PHACTR1: variants seen among roughly 807,000 people sequenced by gnomAD.
PHACTR1 encodes phosphatase and actin regulator 1.
Under a neutral mutation model 69.2 loss-of-function variants are expected in PHACTR1, and 16 were observed. That is an observed-to-expected ratio of 0.23 (90% CI 0.16 to 0.35). PHACTR1 has a LOEUF of 0.35. PHACTR1 is among the 10% of genes least tolerant of loss of function. PHACTR1 has a pLI of 1.00. For synonymous variants in PHACTR1, 312 were observed against 284.5 expected, an observed-to-expected ratio of 1.10 and a Z score of -0.97; for missense variants, 510 against 734.7, an observed-to-expected ratio of 0.69 and a Z score of 3.54.
intron 5 of PHACTR1, among the ~76,000 whole-genome samples, chr6:13,108,650 T>G (rs1408641401): frequency 6.6e-6 from 1 of 152,130 alleles, no homozygotes; most frequent in Non-Finnish European, 1.5e-5. Flanking sequence ...TTATTTTATC[T>G]GACATTAATA....
At chr6:12,883,953 C>T (rs1343514257) in intron 4 of PHACTR1, among the ~76,000 whole-genome samples, 1 of 152,004 alleles carries the variant, frequency 6.6e-6, no homozygotes, top group African/African-American at 2.4e-5. Context: ...CATACATATA[C>T]ACACAGTCAC....
At chr6:12,723,146 A>G (rs965072064) in intron 3 of PHACTR1, among the ~76,000 whole-genome samples, 7 of 152,158 alleles carry the variant, frequency 4.6e-5, no homozygotes, top group African/African-American at 1.7e-4. Flanking sequence ...GTCTCTTCCT[A>G]AGCCAAGAGA....
intron 4 of PHACTR1, among the ~76,000 whole-genome samples, chr6:12,750,205 G>A (rs954914893): frequency 1.2e-4 from 18 of 152,188 alleles, no homozygotes; most frequent in Non-Finnish European, 2.9e-5. Flanking sequence ...TGGCTTTGAC[G>A]GGTTGACGCC....
chr6:13,211,989 C>T (rs746147504), intron 8 of PHACTR1, among the ~76,000 whole-genome samples: 4 of 152,146 alleles, frequency 2.6e-5, no homozygotes, highest in Non-Finnish European at 4.4e-5. Flanking sequence ...GCTAGAAGTC[C>T]GAGATCAAGG....
At chr6:13,154,001 A>G (rs1280515005) in intron 5 of PHACTR1, among the ~76,000 whole-genome samples, 1 of 152,198 alleles carries the variant, frequency 6.6e-6, no homozygotes, top group African/African-American at 2.4e-5. Flanking sequence ...TATAATTTAC[A>G]TACCATAAAA....
At chr6:13,159,195 G>A (rs1758626494) in intron 5 of PHACTR1, among the ~76,000 whole-genome samples, 1 of 152,196 alleles carries the variant, frequency 6.6e-6, no homozygotes, top group Non-Finnish European at 1.5e-5. Context: ...CTAGGTGCAT[G>A]GTGGGGCCAT....
At chr6:13,117,581 A>G (rs1818001178) in intron 5 of PHACTR1, among the ~76,000 whole-genome samples, 1 of 152,228 alleles carries the variant, frequency 6.6e-6, no homozygotes, top group Admixed American at 6.5e-5. Flanking sequence ...CAGTTAGTAC[A>G]CACTGTAAGT....
At chr6:12,823,847 G>A (rs980538739) in intron 4 of PHACTR1, among the ~76,000 whole-genome samples, 1 of 152,112 alleles carries the variant, frequency 6.6e-6, no homozygotes, top group Admixed American at 6.5e-5. Flanking sequence ...AAGTTCATTA[G>A]CTACTGGGAT....
chr6:13,276,005 G>A (rs1361534793), intron 11 of PHACTR1: 1 of 151,960 alleles, frequency 6.6e-6, no homozygotes, highest in East Asian at 1.9e-4. Flanking sequence ...ACTGTCTGGG[G>A]GCTCCCTACT....
At chr6:13,034,011 T>C (rs970870572) in intron 4 of PHACTR1, among the ~76,000 whole-genome samples, 6 of 96,772 alleles carry the variant, frequency 6.2e-5, no homozygotes, top group Non-Finnish European at 1.4e-4. Context: ...AGGACAGGAC[T>C]TTTTCTTTTT....
intron 4 of PHACTR1, among the ~76,000 whole-genome samples, chr6:12,825,312 C>CTCTT (rs1175326821): frequency 6.8e-6 from 1 of 147,860 alleles, no homozygotes; most frequent in East Asian, 1.9e-4. Flanking sequence ...AACCCTCTCT[C>CTCTT]TCTCAAAAAA....
rs540878336 is a variant in PHACTR1 at position 12,745,329 on chromosome 6, G to A, written c.104-4315G>A. Among the ~76,000 whole-genome samples, 6 of 152,288 alleles carry A rather than the reference G, an allele frequency of 3.9e-5. No homozygotes were observed. The South Asian group carries it at 1.0e-3, about 26-fold the overall frequency. The stretch of plus-strand genomic sequence containing the variant: ...ATTTAAGAGTCTACAGTGTTAAAAT[G>A]TTGACTGGTTTTAGGAAAAGGAAAA... On this transcript the variant is annotated intron_variant, in intron 3 of 14. Coordinates refer to ENST00000332995, the MANE Select transcript of PHACTR1 (RefSeq NM_030948.6).
chr6:13,114,268 C>T (rs183738582), intron 5 of PHACTR1, among the ~76,000 whole-genome samples: 50 of 152,198 alleles, frequency 3.3e-4, no homozygotes, highest in African/African-American at 2.6e-4. Flanking sequence ...CTAAAAACTC[C>T]GTGTTTCCTG....
chr6:12,895,384 TG>T (rs1308827161), intron 4 of PHACTR1, among the ~76,000 whole-genome samples: 3 of 152,098 alleles, frequency 2.0e-5, no homozygotes, highest in Non-Finnish European at 4.4e-5. Flanking sequence ...GGTTTTGCCA[TG>T]TTGGCCAGGC....
chr6:13,006,026 G>C (rs1333518833), intron 4 of PHACTR1, among the ~76,000 whole-genome samples: 2 of 152,150 alleles, frequency 1.3e-5, no homozygotes, highest in Non-Finnish European at 2.9e-5. Flanking sequence ...ATCATTAGCT[G>C]ATGGTGAGCT....
At chr6:13,254,969 A>G (rs1374995577) in intron 10 of PHACTR1, among the ~76,000 whole-genome samples, 1 of 152,268 alleles carries the variant, frequency 6.6e-6, no homozygotes, top group Non-Finnish European at 1.5e-5. Context: ...GGAAAGCAAC[A>G]CATCTCTGTA....
At chr6:13,027,897 G>C (rs1054700418) in intron 4 of PHACTR1, among the ~76,000 whole-genome samples, 2 of 152,040 alleles carry the variant, frequency 1.3e-5, no homozygotes, top group South Asian at 2.1e-4. Flanking sequence ...GGCTGGTCTC[G>C]AACTCCTGAC....
intron 5 of PHACTR1, among the ~76,000 whole-genome samples, chr6:13,113,209 A>ACAAAC (rs149701971): frequency 0.013 from 1,943 of 152,234 alleles, 33 homozygotes; most frequent in African/African-American, 0.044. Flanking sequence ...TCAAAACAAA[A>ACAAAC]CAAAAAAAAC....
intron 4 of PHACTR1, among the ~76,000 whole-genome samples, chr6:12,878,849 A>C (rs1172470326): frequency 6.6e-6 from 1 of 152,192 alleles, no homozygotes; most frequent in African/African-American, 2.4e-5. Context: ...GTTGTCTAAA[A>C]CAGGAGGAGG....
Sources: allele counts gnomAD v4.1 joint callset (sites outside exome capture counted in the v4.1 genomes callset), GRCh38; gene constraint gnomAD v4.1.1; transcripts MANE v1.5; gene names NCBI Gene and HGNC (gene_info 2026-07-23, HGNC 2026-07-21).